Variants in HOMER1 observed in about 807,000 individuals in gnomAD.
The protein encoded by HOMER1 is homer protein homolog 1.
In HOMER1, 3 loss-of-function variants were observed where a neutral mutation model predicts 48.9. The observed-to-expected ratio is 0.06, with a 90% CI of 0.03 to 0.16. The LOEUF is 0.16. Ranked by LOEUF, HOMER1 falls within the 10% of genes least tolerant of loss-of-function variation. The probability of loss-of-function intolerance (pLI) is 1.00; values close to 1 mark genes in which losing one functional copy is unlikely to be tolerated. For synonymous variants in HOMER1, 134 were observed against 146.4 expected, an observed-to-expected ratio of 0.92 and a Z score of 0.61; for missense variants, 247 against 411.4, an observed-to-expected ratio of 0.60 and a Z score of 3.46.
At position 79,475,220 on chromosome 5, in the gene HOMER1, T is replaced by C. The variant is rs1751728839; in HGVS notation, c.6-18202A>G. 2.0e-5 allele frequency among the ~76,000 whole-genome samples: 3 copies of C among 151,116 alleles called. No homozygotes were observed. In the Admixed American group the frequency reaches 2.0e-4, roughly 10 times the overall value. On this transcript the variant is annotated intron_variant, in intron 1 of 8. Coordinates refer to ENST00000334082, the MANE Select transcript of HOMER1 (RefSeq NM_004272.5). ...TTTTGAAGATGAGGAACCTGAAGCA[T>C]AGAGACAGTATATAACTGCTCAAGA...
At position 79,397,557 on chromosome 5, in the gene HOMER1, T is replaced by C. The variant is rs1749420514; in HGVS notation, c.765A>G (p.Glu255=). ...HKTELNQTIQ[E]LEETLKLKEE... The stretch of plus-strand genomic sequence containing the variant: ...CCTTCAGTTTCAGTGTCTCTTCCAG[T>C]TCTTGTATTGTCTGATTTAATTCTG... The change falls in exon 7 of 9, where the codon GAA becomes GAG. Residue 255 remains glutamate (E), a synonymous_variant. Transcript: ENST00000334082. The C allele has an allele frequency of 6.2e-7, 1 of 1,607,190 alleles. No individual in the cohort carries two copies. The highest frequency in any genetic ancestry group is 1.3e-5 in the African/African-American group (1 of 74,666).
chr5:79,405,222 G>A (rs143849227), intron 5 of HOMER1, among the ~76,000 whole-genome samples: 3 of 152,060 alleles, frequency 2.0e-5, no homozygotes, highest in East Asian at 3.9e-4. Context: ...ACAGACACAC[G>A]AACATAAAAA....
At chr5:79,415,726 T>C (rs1042788730) in intron 5 of HOMER1, among the ~76,000 whole-genome samples, 1 of 152,236 alleles carries the variant, frequency 6.6e-6, no homozygotes, top group Non-Finnish European at 1.5e-5. Context: ...CTTCAAAATG[T>C]ATAATGTATG....
chr5:79,401,928 G>C lies in HOMER1; in HGVS notation c.655C>G (p.Gln219Glu), dbSNP rs1382538791. ...KQWKQQLAAY[Q>E]EEAERLHKRV... ...TTGTGCAGACGTTCTGCTTCCTCTTGATAGGCAGCAAGTTGCTGTTTCCAT... is the reference window on the plus strand; with the variant it reads ...TTGTGCAGACGTTCTGCTTCCTCTTCATAGGCAGCAAGTTGCTGTTTCCAT... The change falls in exon 6 of 9, where the codon CAA (glutamine) becomes GAA (glutamate). Residue 219 changes from glutamine to glutamate, a missense_variant. Physicochemically the swap from Gln to Glu is conservative, Grantham distance 29 (BLOSUM62 2). Transcript: ENST00000334082. 6.2e-7 allele frequency: 1 copy of C among 1,613,754 alleles called. No individual in the cohort carries two copies. The highest frequency in any genetic ancestry group is 8.5e-7 in the Non-Finnish European group (1 of 1,179,862).
At chr5:79,433,759 TTA>T (rs1750489762) in intron 5 of HOMER1, among the ~76,000 whole-genome samples, 1 of 152,214 alleles carries the variant, frequency 6.6e-6, no homozygotes, top group Admixed American at 6.5e-5. Context: ...AGTCATAGTT[TTA>T]GAGTGTTTCT....
chr5:79,441,600 A>G (rs1370958637), intron 4 of HOMER1, among the ~76,000 whole-genome samples: 1 of 152,198 alleles, frequency 6.6e-6, no homozygotes, highest in Non-Finnish European at 1.5e-5. Context: ...TACCTAAAGT[A>G]AAAAACAAAA....
At chr5:79,476,167 T>C (rs1751772237) in intron 1 of HOMER1, among the ~76,000 whole-genome samples, 1 of 152,180 alleles carries the variant, frequency 6.6e-6, no homozygotes, top group Admixed American at 6.5e-5. Flanking sequence ...GCACTGCTCA[T>C]CTCTCCTCCT....
chr5:79,462,191 C>G (rs1156365716), intron 1 of HOMER1, among the ~76,000 whole-genome samples: 1 of 152,176 alleles, frequency 6.6e-6, no homozygotes, highest in Non-Finnish European at 1.5e-5. Context: ...CAGAGCGAGA[C>G]TCCATCTCAA....
At chr5:79,387,406 G>C (rs1321658787) in intron 8 of HOMER1, among the ~76,000 whole-genome samples, 5 of 152,050 alleles carry the variant, frequency 3.3e-5, no homozygotes, top group Admixed American at 6.6e-5. Flanking sequence ...TGGGATTACA[G>C]TACTAAACCC....
intron 8 of HOMER1, among the ~76,000 whole-genome samples, chr5:79,383,435 G>C (rs570339315): frequency 3.5e-4 from 51 of 147,596 alleles, no homozygotes; most frequent in Admixed American, 5.5e-4. Context: ...ACCTAGACTA[G>C]AGTGCAGTGG....
At chr5:79,409,152 A>G (rs1184964143) in intron 5 of HOMER1, among the ~76,000 whole-genome samples, 1 of 149,506 alleles carries the variant, frequency 6.7e-6, no homozygotes, top group East Asian at 2.0e-4. Context: ...CAATGTAATG[A>G]CCAGGCATGG....
rs374688563 is a variant in HOMER1 at position 79,376,225 on chromosome 5, A to C, written c.877-28T>G. 4 of 1,526,120 alleles carry C rather than the reference A, an allele frequency of 2.6e-6. No individual in the cohort carries two copies. In the Admixed American group the frequency reaches 5.3e-5, roughly 20 times the overall value. 94.5% of individuals were successfully genotyped at this position (1,526,120 alleles called of 1,614,324 possible). A position where few individuals can be genotyped will look rare whatever the true frequency, so the allele number is the denominator to read the frequency against. On this transcript the variant is annotated intron_variant, in intron 8 of 8. Transcript: ENST00000334082. Reference sequence around the variant, plus strand: ...TCAGAAACAAAAGTGTAACATGTATATATGTCAATTCATCACTTAGAAAAC... The same window carrying C: ...TCAGAAACAAAAGTGTAACATGTATCTATGTCAATTCATCACTTAGAAAAC...
chr5:79,490,507 A>G (rs111439695), intron 1 of HOMER1, among the ~76,000 whole-genome samples: 4 of 152,332 alleles, frequency 2.6e-5, no homozygotes, highest in Middle Eastern at 6.8e-3. Context: ...TAACAGTAGA[A>G]TTAATGATTA....
At chr5:79,406,002 T>C (rs1749652160) in intron 5 of HOMER1, among the ~76,000 whole-genome samples, 1 of 152,188 alleles carries the variant, frequency 6.6e-6, no homozygotes, top group African/African-American at 2.4e-5. Context: ...ATGGAGAATC[T>C]ACAACAAACC....
chr5:79,455,511 G>A (rs1442947089), intron 2 of HOMER1, among the ~76,000 whole-genome samples: 2 of 152,130 alleles, frequency 1.3e-5, no homozygotes, highest in Admixed American at 6.6e-5. Context: ...TGCCACGATT[G>A]TAAGTTTCCT....
In HOMER1 at chr5:79,512,814, T is replaced by C; in HGVS notation, c.-40A>G. 1 of 1,609,416 alleles carries C rather than the reference T, an allele frequency of 6.2e-7. No homozygotes were observed. Among genetic ancestry groups the C allele is most frequent in the Non-Finnish European group, 8.5e-7 (1 of 1,175,836 alleles). ...ACTTGCTCTGAAGTTTCAGCTCTTA[T>C]GCTACGGAATAACTTCCAAAGGAAT... On this transcript the variant is annotated 5_prime_UTR_variant, in exon 1 of 9. Coordinates refer to ENST00000334082, the MANE Select transcript of HOMER1 (RefSeq NM_004272.5).
chr5:79,381,781 A>C (rs908944904), intron 8 of HOMER1, among the ~76,000 whole-genome samples: 1 of 152,066 alleles, frequency 6.6e-6, no homozygotes, highest in Non-Finnish European at 1.5e-5. Context: ...GCTACTCTGA[A>C]GGCTGAGGCA....
chr5:79,386,535 G>T (rs1749114534), intron 8 of HOMER1, among the ~76,000 whole-genome samples: 1 of 152,170 alleles, frequency 6.6e-6, no homozygotes, highest in Admixed American at 6.5e-5. Context: ...GATAGAAGAA[G>T]TAAGTTCTAA....
At chr5:79,412,032 T>C (rs949667734) in intron 5 of HOMER1, among the ~76,000 whole-genome samples, 5 of 152,078 alleles carry the variant, frequency 3.3e-5, no homozygotes, top group African/African-American at 1.2e-4. Context: ...GGCAGAAGAA[T>C]TGCTTGAACC....
Sources: gnomAD v4.1 joint callset for allele counts (sites outside exome capture counted in the v4.1 genomes callset) on GRCh38, gnomAD v4.1.1 for gene constraint, MANE v1.5 for transcripts, NCBI Gene and HGNC (gene_info 2026-07-23, HGNC 2026-07-21) for gene names.